The following SCHIP1 variants were observed in gnomAD, a reference collection of about 807,000 sequenced individuals.
The protein encoded by SCHIP1 is schwannomin-interacting protein 1.
Under a neutral mutation model 29.7 loss-of-function variants are expected in SCHIP1, and 8 were observed. The observed-to-expected ratio is 0.27, with a 90% CI of 0.16 to 0.49. The LOEUF (loss-of-function observed/expected upper bound fraction) is 0.49, where lower values mean the gene tolerates loss of function less well. Ranked by LOEUF, SCHIP1 falls within the 20% of genes least tolerant of loss-of-function variation. The pLI is 0.99. For synonymous variants in SCHIP1, 76 were observed against 94.9 expected, an observed-to-expected ratio of 0.80 and a Z score of 1.16; for missense variants, 193 against 294.6, an observed-to-expected ratio of 0.66 and a Z score of 2.52.
At chr3:159,421,880 C>T in the SCHIP1 span, among the ~76,000 whole-genome samples, 1 of 152,062 alleles carries the variant, frequency 6.6e-6, no homozygotes, top group Non-Finnish European at 1.5e-5. Context: ...CTCTCAAGCC[C>T]CTCAAGAACA....
At chr3:159,868,658 C>T (rs1273190439) in intron 2 of SCHIP1, among the ~76,000 whole-genome samples, 3 of 151,966 alleles carry the variant, frequency 2.0e-5, no homozygotes. Context: ...ATTTGTATTC[C>T]AGTGTGTGAA....
chr3:159,465,931 AG>A, the SCHIP1 span, among the ~76,000 whole-genome samples: 1 of 152,172 alleles, frequency 6.6e-6, no homozygotes, highest in Non-Finnish European at 1.5e-5. Flanking sequence ...AATTAACAAA[AG>A]TTTGAATACG....
the SCHIP1 span, among the ~76,000 whole-genome samples, chr3:159,673,301 G>A: frequency 1.3e-5 from 2 of 152,198 alleles, no homozygotes; most frequent in East Asian, 1.9e-4. Flanking sequence ...AGTCTGCATG[G>A]CCCTGCTCTG....
chr3:159,694,600 G>T, the SCHIP1 span, among the ~76,000 whole-genome samples: 13 of 128,354 alleles, frequency 1.0e-4, no homozygotes, highest in African/African-American at 3.0e-4. Flanking sequence ...AAGAAAGAAA[G>T]AAAGAAAGGA....
At chr3:159,411,765 T>A in the SCHIP1 span, among the ~76,000 whole-genome samples, 3 of 152,192 alleles carry the variant, frequency 2.0e-5, no homozygotes, top group African/African-American at 7.2e-5. Flanking sequence ...TACTTTCATG[T>A]AACCTTGCAA....
chr3:159,650,983 T>C, the SCHIP1 span, among the ~76,000 whole-genome samples: 1 of 152,192 alleles, frequency 6.6e-6, no homozygotes, highest in African/African-American at 2.4e-5. Flanking sequence ...AGGCAAATCA[T>C]GTTACCTCTC....
chr3:159,441,957 G>A, the SCHIP1 span, among the ~76,000 whole-genome samples: 9 of 152,022 alleles, frequency 5.9e-5, no homozygotes, highest in South Asian at 6.2e-4. Context: ...TCAGCTTCCC[G>A]AGCAGCTGGA....
chr3:159,436,204 CTCAA>C, the SCHIP1 span, among the ~76,000 whole-genome samples: 9 of 152,170 alleles, frequency 5.9e-5, no homozygotes, highest in Non-Finnish European at 1.2e-4. Flanking sequence ...CACTCTTGCA[CTCAA>C]TCATTTAATC....
the SCHIP1 span, among the ~76,000 whole-genome samples, chr3:159,291,897 AAAG>A: frequency 6.6e-6 from 1 of 152,170 alleles, no homozygotes; most frequent in Non-Finnish European, 1.5e-5. Flanking sequence ...TATTTTAAAA[AAAG>A]AAGAAAGAGG....
chr3:159,625,670 T>G, the SCHIP1 span, among the ~76,000 whole-genome samples: 54 of 152,128 alleles, frequency 3.5e-4, no homozygotes, highest in Non-Finnish European at 6.5e-4. Flanking sequence ...TGGGCTCTTT[T>G]TTGTTTCCAG....
intron 1 of SCHIP1, among the ~76,000 whole-genome samples, chr3:159,864,563 G>A (rs573930102): frequency 6.6e-6 from 1 of 150,790 alleles, no homozygotes; most frequent in African/African-American, 2.4e-5. Context: ...ATGCTAAAAG[G>A]GGGTGCTATA....
chr3:159,464,043 G>A, the SCHIP1 span, among the ~76,000 whole-genome samples: 2 of 152,044 alleles, frequency 1.3e-5, no homozygotes, highest in South Asian at 2.1e-4. Context: ...CTAACTCTAT[G>A]TCTGTTCACA....
chr3:159,399,022 G>T, the SCHIP1 span: 1 of 821,442 alleles, frequency 1.2e-6, no homozygotes, highest in East Asian at 1.2e-4. Flanking sequence ...ATATTCTAGT[G>T]CCCACCCCAA....
the SCHIP1 span, among the ~76,000 whole-genome samples, chr3:159,597,850 C>T: frequency 1.3e-5 from 2 of 152,170 alleles, no homozygotes; most frequent in African/African-American, 4.8e-5. Flanking sequence ...GTGAAAGATA[C>T]TACCCATGAC....
At chr3:159,888,086 A>G in intron 4 of SCHIP1, 181 bp downstream of exon 5, 1 of 846,154 alleles carries the variant, frequency 1.2e-6, no homozygotes, top group South Asian at 1.9e-5. Context: ...ACTGAAAAAT[A>G]CAGAAGCAAT....
chr3:159,301,263 A>C, the SCHIP1 span, among the ~76,000 whole-genome samples: 2 of 152,204 alleles, frequency 1.3e-5, no homozygotes, highest in African/African-American at 4.8e-5. Flanking sequence ...ACCACTACTA[A>C]GTGGCTAAGC....
chr3:159,826,684 G>A, the SCHIP1 span, among the ~76,000 whole-genome samples: 1 of 152,158 alleles, frequency 6.6e-6, no homozygotes, highest in African/African-American at 2.4e-5. Flanking sequence ...AATGAGGTAG[G>A]TAGGTTTATC....
At chr3:159,338,739 C>T in the SCHIP1 span, among the ~76,000 whole-genome samples, 5 of 152,072 alleles carry the variant, frequency 3.3e-5, no homozygotes, top group Admixed American at 2.6e-4. Flanking sequence ...TGAAGGAATA[C>T]CTTTTATGTG....
the SCHIP1 span, among the ~76,000 whole-genome samples, chr3:159,565,332 T>C: frequency 3.9e-5 from 6 of 152,246 alleles, no homozygotes; most frequent in Non-Finnish European, 8.8e-5. Context: ...AAGAACATTA[T>C]ACTAAGTCTT....
Sources: allele counts gnomAD v4.1 joint callset (sites outside exome capture counted in the v4.1 genomes callset), GRCh38; gene constraint gnomAD v4.1.1; transcripts MANE v1.5; gene names NCBI Gene and HGNC (gene_info 2026-07-23, HGNC 2026-07-21).